Variants in WWOX observed in about 807,000 individuals in gnomAD.
The protein encoded by WWOX is WW domain containing oxidoreductase.
Under a neutral mutation model 46.2 loss-of-function variants are expected in WWOX, and 69 were observed. That is an observed-to-expected ratio of 1.49 (90% CI 1.23 to 1.82). WWOX has a LOEUF of 1.82. Ranked by LOEUF, WWOX falls within the 40% of genes most tolerant of loss-of-function variation. The pLI is 0.00. For synonymous variants in WWOX, 359 were observed against 202.6 expected (o/e 1.77, Z -6.56); for missense variants, 919 against 542.6 (o/e 1.69, Z -6.89).
chr16:79,010,762 C>T (rs866726949), intron 8 of WWOX, among the ~76,000 whole-genome samples: 1 of 137,820 alleles, frequency 7.3e-6, no homozygotes, highest in Non-Finnish European at 1.5e-5. Context: ...GACATGGACC[C>T]GATGCTGCCA....
intron 8 of WWOX, among the ~76,000 whole-genome samples, chr16:79,036,733 C>T (rs551045547): frequency 3.3e-5 from 5 of 152,238 alleles, no homozygotes; most frequent in East Asian, 1.9e-4. Flanking sequence ...CTGCAGTGAG[C>T]GAAGGATTGG....
intron 8 of WWOX, among the ~76,000 whole-genome samples, chr16:78,747,712 CTCT>C (rs2049381393): frequency 6.6e-6 from 1 of 152,144 alleles, no homozygotes; most frequent in African/African-American, 2.4e-5. Flanking sequence ...TACTGTCTGC[CTCT>C]TCTTCCCTAG....
intron 8 of WWOX, among the ~76,000 whole-genome samples, chr16:78,598,125 T>G (rs1410572657): frequency 6.6e-6 from 1 of 152,214 alleles, no homozygotes; most frequent in East Asian, 1.9e-4. Flanking sequence ...TAGGGAATCA[T>G]GGATTTTCTA....
intron 8 of WWOX, among the ~76,000 whole-genome samples, chr16:79,135,039 T>C (rs1361523261): frequency 6.6e-6 from 1 of 152,210 alleles, no homozygotes; most frequent in East Asian, 1.9e-4. Context: ...AATTTTTCTC[T>C]CTTATAAATA....
At chr16:78,260,092 G>C (rs555149361) in intron 5 of WWOX, among the ~76,000 whole-genome samples, 1 of 151,278 alleles carries the variant, frequency 6.6e-6, no homozygotes, top group East Asian at 1.9e-4. Context: ...GAATCAGCTC[G>C]ATGCCTCTTG....
At chr16:78,302,973 C>G (rs1203835405) in intron 5 of WWOX, among the ~76,000 whole-genome samples, 3 of 152,182 alleles carry the variant, frequency 2.0e-5, no homozygotes, top group Admixed American at 1.3e-4. Flanking sequence ...TCATCAGACC[C>G]AGAGCCTTTC....
chr16:78,910,692 G>A (rs563789964), intron 8 of WWOX, among the ~76,000 whole-genome samples: 1 of 151,862 alleles, frequency 6.6e-6, no homozygotes, highest in Non-Finnish European at 1.5e-5. Flanking sequence ...CTTACATGGT[G>A]GCAGGCAAGA....
At chr16:79,063,589 A>G (rs1200835499) in intron 8 of WWOX, among the ~76,000 whole-genome samples, 1 of 152,212 alleles carries the variant, frequency 6.6e-6, no homozygotes, top group African/African-American at 2.4e-5. Context: ...GGATTTGGAA[A>G]CAAGGTTGGG....
rs182867833 is a variant in WWOX at position 79,026,652 on chromosome 16, C to G, written c.1057-184956C>G. 2.9e-5 allele frequency among the ~76,000 whole-genome samples: 4 copies of G among 137,610 alleles called. No individual in the cohort carries two copies. The East Asian group carries it at 6.5e-4, about 22-fold the overall frequency. 90.3% of individuals were successfully genotyped at this position (137,610 alleles called of 152,430 possible). A position where few individuals can be genotyped will look rare whatever the true frequency, so the allele number is the denominator to read the frequency against. On this transcript the variant is annotated intron_variant, in intron 8 of 8. Coordinates refer to ENST00000566780, the MANE Select transcript of WWOX (RefSeq NM_016373.4). Reference sequence around the variant, plus strand: ...TTTTTTTTTGAGATGGAGTCTCCCTCTGTCGCCTAGGCTGCAGTGCAGTGG... The same window carrying G: ...TTTTTTTTTGAGATGGAGTCTCCCTGTGTCGCCTAGGCTGCAGTGCAGTGG...
intron 8 of WWOX, among the ~76,000 whole-genome samples, chr16:78,819,475 T>G (rs1003311952): frequency 2.0e-5 from 3 of 152,194 alleles, no homozygotes; most frequent in Admixed American, 1.3e-4. Flanking sequence ...CCACCCTTTT[T>G]CTAGAAATTT....
intron 4 of WWOX, among the ~76,000 whole-genome samples, chr16:78,161,614 T>G (rs952059560): frequency 6.6e-6 from 1 of 152,104 alleles, no homozygotes; most frequent in African/African-American, 2.4e-5. Context: ...ACCTGGCTAT[T>G]TCTTTTTTAA....
intron 8 of WWOX, among the ~76,000 whole-genome samples, chr16:79,022,636 G>A (rs1007436298): frequency 6.6e-6 from 1 of 152,140 alleles, no homozygotes; most frequent in Non-Finnish European, 1.5e-5. Context: ...AGTGTTCCTG[G>A]TTGTGGCATT....
chr16:79,010,415 A>C (rs1014247843), intron 8 of WWOX, among the ~76,000 whole-genome samples: 3 of 152,088 alleles, frequency 2.0e-5, no homozygotes, highest in Non-Finnish European at 4.4e-5. Context: ...ATGTTTGCTA[A>C]TCAAGTGAAC....
At chr16:78,777,110 G>A (rs893309466) in intron 8 of WWOX, among the ~76,000 whole-genome samples, 1 of 152,174 alleles carries the variant, frequency 6.6e-6, no homozygotes, top group Non-Finnish European at 1.5e-5. Context: ...AAGTTTCAGT[G>A]ATTATTTTTT....
chr16:78,993,896 T>TGCAG (rs540207004), intron 8 of WWOX, among the ~76,000 whole-genome samples: 85 of 152,272 alleles, frequency 5.6e-4, no homozygotes, highest in African/African-American at 1.9e-3. Flanking sequence ...GTCCGTTGGG[T>TGCAG]GCAGGCATTA....
At chr16:78,751,447 ATATT>A (rs892639794) in intron 8 of WWOX, among the ~76,000 whole-genome samples, 1 of 129,578 alleles carries the variant, frequency 7.7e-6, no homozygotes, top group Non-Finnish European at 1.6e-5. Context: ...GATTATATAT[ATATT>A]TATCAGATTT....
chr16:78,172,149 C>T (rs557346996), intron 5 of WWOX, among the ~76,000 whole-genome samples: 8 of 152,230 alleles, frequency 5.3e-5, no homozygotes, highest in Admixed American at 4.6e-4. Flanking sequence ...AAGTATTGTA[C>T]TCATACATTA....
In WWOX at chr16:79,025,272, G is replaced by A. The variant is rs16949269; in HGVS notation, c.1057-186336G>A. On this transcript the variant is annotated intron_variant, in intron 8 of 8. Transcript: ENST00000566780. ...TATCTGGGAAGGAGCTGTCCATAAA[G>A]GCCTGAGTTAAGACAGTAGCCCTTT... 6.1e-3 allele frequency among the ~76,000 whole-genome samples: 928 copies of A among 152,330 alleles called. 25 individuals are homozygous for A. The East Asian group carries it at 0.076, about 12-fold the overall frequency.
rs554711116 is a variant in WWOX at position 78,532,682 on chromosome 16, G to A, written c.1056+99930G>A. Among the ~76,000 whole-genome samples, 3 of 152,296 alleles carry A rather than the reference G, an allele frequency of 2.0e-5. No homozygotes were observed. In the East Asian group the frequency reaches 5.8e-4, roughly 29 times the overall value. ...GACACAGTGATGGCAGAAGGTGAAAGGCACATCTCACATGGCAGCAGGCAA... is the reference window on the plus strand; with the variant it reads ...GACACAGTGATGGCAGAAGGTGAAAAGCACATCTCACATGGCAGCAGGCAA... On this transcript the variant is annotated intron_variant, in intron 8 of 8. Coordinates refer to ENST00000566780, the MANE Select transcript of WWOX (RefSeq NM_016373.4).
Sources: gnomAD v4.1 joint callset for allele counts (sites outside exome capture counted in the v4.1 genomes callset) on GRCh38, gnomAD v4.1.1 for gene constraint, MANE v1.5 for transcripts, NCBI Gene and HGNC (gene_info 2026-07-23, HGNC 2026-07-21) for gene names.